Variants in ATP8A2 observed in about 807,000 individuals in gnomAD.
The protein encoded by ATP8A2 is phospholipid-transporting ATPase IB.
In ATP8A2, 100 loss-of-function variants were observed where a neutral mutation model predicts 165.6. The ratio of observed to expected loss-of-function variants is 0.60; its 90% CI spans 0.51 to 0.71. ATP8A2 has a LOEUF of 0.71. Among genes scored for constraint, ATP8A2 ranks in the 30% least tolerant of loss-of-function variants. The pLI is 0.00. For missense variants in ATP8A2, 1,227 were observed against 1,479.5 expected, an observed-to-expected ratio of 0.83 and a Z score of 2.80; for synonymous variants, 543 against 548.8, an observed-to-expected ratio of 0.99 and a Z score of 0.15.
chr13:25,469,222 C>A (rs1051493657), intron 2 of ATP8A2, 101 bp downstream of exon 2: 3 of 1,415,632 alleles, frequency 2.1e-6, no homozygotes, highest in African/African-American at 2.8e-5. Flanking sequence ...GGCCGGCCCC[C>A]GTCCATCTCC....
chr13:25,885,648 T>C (rs1953126406), intron 33 of ATP8A2, among the ~76,000 whole-genome samples: 1 of 152,200 alleles, frequency 6.6e-6, no homozygotes, highest in South Asian at 2.1e-4. Flanking sequence ...TCCTGCTGTT[T>C]TTCATTATGC....
rs2138182863 is a variant in ATP8A2 at position 25,571,602 on chromosome 13, C to T, written c.1580-8C>T. 2 of 1,610,210 alleles carry T rather than the reference C, an allele frequency of 1.2e-6. No homozygotes were observed. The highest frequency in any genetic ancestry group is 2.2e-5 in the East Asian group (1 of 44,858). ...TATGTCAATGTTTCACCAACTCCCA[C>T]TTGACAGATGAAGCTGCTTTGGTGA... is the stretch of plus-strand genomic sequence containing the variant. On this transcript the variant is annotated splice_polypyrimidine_tract_variant and splice_region_variant and intron_variant, in intron 17 of 36. Coordinates refer to ENST00000381655, the MANE Select transcript of ATP8A2 (RefSeq NM_016529.6).
chr13:25,392,922 AC>A (rs2033298534), intron 1 of ATP8A2, among the ~76,000 whole-genome samples: 1 of 149,188 alleles, frequency 6.7e-6, no homozygotes, highest in East Asian at 1.9e-4. Context: ...CAAAAAAAAA[AC>A]AAAAAAGAAA....
chr13:25,482,226 G>T (rs1035351003), intron 2 of ATP8A2, among the ~76,000 whole-genome samples: 6 of 152,316 alleles, frequency 3.9e-5, no homozygotes, highest in African/African-American at 1.4e-4. Flanking sequence ...CATCTGGTCA[G>T]ACCCAGTCTG....
intron 2 of ATP8A2, among the ~76,000 whole-genome samples, chr13:25,476,445 C>T (rs899033119): frequency 3.3e-5 from 5 of 152,098 alleles, no homozygotes; most frequent in South Asian, 2.1e-4. Context: ...CCCGCCACCA[C>T]GGCCAGCTAA....
chr13:25,427,676 A>G (rs922562344), intron 1 of ATP8A2, among the ~76,000 whole-genome samples: 3 of 151,262 alleles, frequency 2.0e-5, no homozygotes, highest in East Asian at 2.0e-4. Flanking sequence ...CAGGTGGAAC[A>G]TGAGGTCAAG....
chr13:25,431,511 A>G (rs1191905801), intron 1 of ATP8A2, among the ~76,000 whole-genome samples: 1 of 149,870 alleles, frequency 6.7e-6, no homozygotes, highest in African/African-American at 2.4e-5. Flanking sequence ...GCGGGGGGGG[A>G]ATCTCATACA....
At chr13:25,888,231 G>A (rs951019057) in intron 33 of ATP8A2, among the ~76,000 whole-genome samples, 9 of 152,146 alleles carry the variant, frequency 5.9e-5, no homozygotes, top group African/African-American at 2.2e-4. Flanking sequence ...TTATAAAAGT[G>A]AAATAGCTTT....
chr13:26,012,398 C>G (rs939070122), intron 35 of ATP8A2, 133 bp from the exon 36 acceptor site: 4 of 687,104 alleles, frequency 5.8e-6, no homozygotes, highest in Admixed American at 6.3e-5. Flanking sequence ...AATCACGGGC[C>G]GCTGGTGAAG....
At chr13:25,502,123 A>G (rs952669078) in intron 2 of ATP8A2, among the ~76,000 whole-genome samples, 3 of 152,256 alleles carry the variant, frequency 2.0e-5, no homozygotes, top group African/African-American at 4.8e-5. Flanking sequence ...AAGTGCCTCA[A>G]AAATAAATTC....
chr13:25,677,186 G>A (rs1021623329), intron 24 of ATP8A2, among the ~76,000 whole-genome samples: 3 of 152,064 alleles, frequency 2.0e-5, no homozygotes, highest in Admixed American at 2.0e-4. Flanking sequence ...AGCCACATGG[G>A]GCTGTTTAAA....
intron 33 of ATP8A2, among the ~76,000 whole-genome samples, chr13:25,912,825 G>A (rs1022311577): frequency 6.6e-6 from 1 of 152,114 alleles, no homozygotes; most frequent in Non-Finnish European, 1.5e-5. Context: ...GTAACAATTG[G>A]CACTACATGG....
chr13:25,594,696 C>G (rs1010578253), intron 24 of ATP8A2, among the ~76,000 whole-genome samples: 1 of 152,098 alleles, frequency 6.6e-6, no homozygotes, highest in South Asian at 2.1e-4. Context: ...AGTTACTTCA[C>G]TTGGAATAAT....
chr13:25,685,500 G>A (rs1300142234), intron 24 of ATP8A2, among the ~76,000 whole-genome samples: 1 of 152,116 alleles, frequency 6.6e-6, no homozygotes, highest in Non-Finnish European at 1.5e-5. Context: ...TGTAGAAGAC[G>A]GACATGGTAC....
At chr13:25,735,970 A>G (rs1204808359) in intron 25 of ATP8A2, among the ~76,000 whole-genome samples, 2 of 152,128 alleles carry the variant, frequency 1.3e-5, no homozygotes, top group Admixed American at 6.6e-5. Flanking sequence ...CGCGACTACT[A>G]TTTTTATCTT....
intron 24 of ATP8A2, among the ~76,000 whole-genome samples, chr13:25,673,355 C>A (rs2042305483): frequency 6.6e-6 from 1 of 152,154 alleles, no homozygotes; most frequent in South Asian, 2.1e-4. Flanking sequence ...AAGAAGATTA[C>A]CCATGATGTG....
At chr13:25,676,798 G>C (rs1174383753) in intron 24 of ATP8A2, among the ~76,000 whole-genome samples, 4 of 152,106 alleles carry the variant, frequency 2.6e-5, no homozygotes, top group Non-Finnish European at 5.9e-5. Context: ...ATACAGGCCA[G>C]TATTCTCTGT....
intron 1 of ATP8A2, among the ~76,000 whole-genome samples, chr13:25,419,000 G>A (rs1261532676): frequency 6.6e-6 from 1 of 152,170 alleles, no homozygotes; most frequent in East Asian, 1.9e-4. Context: ...AAAAGGAAGA[G>A]AAGGGAGGGG....
At chr13:25,859,341 A>G (rs1475830536) in intron 30 of ATP8A2, among the ~76,000 whole-genome samples, 1 of 152,198 alleles carries the variant, frequency 6.6e-6, no homozygotes, top group South Asian at 2.1e-4. Flanking sequence ...AAACCTGCGC[A>G]TGTACCCCAA....
Sources: allele counts gnomAD v4.1 joint callset (sites outside exome capture counted in the v4.1 genomes callset), GRCh38; gene constraint gnomAD v4.1.1; transcripts MANE v1.5; gene names NCBI Gene and HGNC (gene_info 2026-07-23, HGNC 2026-07-21).